TENM2: variants seen among roughly 807,000 people sequenced by gnomAD.
TENM2 encodes teneurin-2.
A neutral mutation model predicts 245.2 loss-of-function variants in TENM2; 52 were observed. The observed-to-expected ratio is 0.21, with a 90% CI of 0.17 to 0.27. The LOEUF (loss-of-function observed/expected upper bound fraction) is 0.27, where lower values mean the gene tolerates loss of function less well. Ranked by LOEUF, TENM2 falls within the 10% of genes least tolerant of loss-of-function variation. The pLI is 1.00. For missense variants in TENM2, 3,046 were observed against 3,666.8 expected (o/e 0.83, Z 4.37); for synonymous variants, 1,363 against 1,438.9 (o/e 0.95, Z 1.19).
the TENM2 span, among the ~76,000 whole-genome samples, chr5:167,225,614 G>T: frequency 2.0e-5 from 3 of 151,918 alleles, no homozygotes; most frequent in Non-Finnish European, 4.4e-5. Context: ...AGGGATAATG[G>T]CCTGTAGTTT....
intron 2 of TENM2, among the ~76,000 whole-genome samples, chr5:167,647,284 A>G (rs1027806496): frequency 1.3e-5 from 2 of 152,260 alleles, no homozygotes; most frequent in South Asian, 2.1e-4. Context: ...CCATTGACAG[A>G]GACTGTTGAG....
chr5:167,223,896 G>A, the TENM2 span, among the ~76,000 whole-genome samples: 78 of 152,204 alleles, frequency 5.1e-4, no homozygotes, highest in African/African-American at 1.7e-3. Context: ...ACTAGTGTAA[G>A]ATAATATCTC....
intron 2 of TENM2, among the ~76,000 whole-genome samples, chr5:167,792,045 G>A (rs931043339): frequency 6.6e-6 from 1 of 152,130 alleles, no homozygotes; most frequent in East Asian, 1.9e-4. Flanking sequence ...AAAGAGGAGA[G>A]TAAACTATTT....
the TENM2 span, among the ~76,000 whole-genome samples, chr5:167,098,660 G>T: frequency 6.6e-6 from 1 of 152,088 alleles, no homozygotes; most frequent in Non-Finnish European, 1.5e-5. Context: ...AACATACCGA[G>T]AAAAAGGAAG....
the TENM2 span, among the ~76,000 whole-genome samples, chr5:167,066,045 A>G: frequency 6.6e-6 from 1 of 152,138 alleles, no homozygotes; most frequent in African/African-American, 2.4e-5. Context: ...TGCTCACTTG[A>G]ATAACTCTCC....
chr5:168,156,926 C>T (rs1305432209), intron 12 of TENM2, among the ~76,000 whole-genome samples: 2 of 152,176 alleles, frequency 1.3e-5, no homozygotes, highest in African/African-American at 2.4e-5. Flanking sequence ...GGCAGCCGTT[C>T]GGTTCACAGT....
chr5:168,112,721 C>T (rs1400318077), intron 9 of TENM2, among the ~76,000 whole-genome samples: 3 of 151,804 alleles, frequency 2.0e-5, no homozygotes, highest in Non-Finnish European at 2.9e-5. Context: ...CAAGCTAAGT[C>T]CACAACCTCA....
chr5:167,770,263 T>G (rs2150761009), intron 2 of TENM2, among the ~76,000 whole-genome samples: 1 of 152,206 alleles, frequency 6.6e-6, no homozygotes, highest in Non-Finnish European at 1.5e-5. Flanking sequence ...AAAGGCTTAG[T>G]GATTAAGAAT....
chr5:167,795,042 G>C (rs1765223639), intron 2 of TENM2, among the ~76,000 whole-genome samples: 1 of 152,096 alleles, frequency 6.6e-6, no homozygotes. Context: ...ACAAAATCAG[G>C]AATGAGTGAT....
chr5:168,240,500 G>T (rs1207009263), intron 25 of TENM2, among the ~76,000 whole-genome samples: 1 of 152,104 alleles, frequency 6.6e-6, no homozygotes, highest in Non-Finnish European at 1.5e-5. Flanking sequence ...GTGCAAAATG[G>T]GGATGATAAT....
chr5:167,642,160 GTA>G (rs1030552269), intron 2 of TENM2, among the ~76,000 whole-genome samples: 1 of 142,896 alleles, frequency 7.0e-6, no homozygotes. Context: ...AAAAAAATAT[GTA>G]TATATATATA....
chr5:167,940,448 A>G (rs1205378592), intron 3 of TENM2, among the ~76,000 whole-genome samples: 1 of 152,212 alleles, frequency 6.6e-6, no homozygotes, highest in Non-Finnish European at 1.5e-5. Context: ...TTAGAGAAAA[A>G]GAAAGCAATG....
intron 9 of TENM2, among the ~76,000 whole-genome samples, chr5:168,116,512 G>A (rs549273806): frequency 3.3e-5 from 5 of 152,214 alleles, no homozygotes; most frequent in East Asian, 1.9e-4. Context: ...TTCTTCCCAC[G>A]TCTTTCATAA....
chr5:167,206,028 G>T, the TENM2 span, among the ~76,000 whole-genome samples: 103 of 152,036 alleles, frequency 6.8e-4, no homozygotes, highest in Non-Finnish European at 1.2e-3. Context: ...CCAATTTCAC[G>T]GTCAAATGAT....
intron 1 of TENM2, among the ~76,000 whole-genome samples, chr5:167,314,734 TAAC>T (rs973405532): frequency 5.3e-5 from 8 of 152,070 alleles, no homozygotes; most frequent in African/African-American, 9.7e-5. Context: ...AAAGCAATAA[TAAC>T]ATTTTAATAT....
intron 2 of TENM2, among the ~76,000 whole-genome samples, chr5:167,820,400 A>G (rs544424847): frequency 6.6e-6 from 1 of 152,296 alleles, no homozygotes; most frequent in African/African-American, 2.4e-5. Flanking sequence ...ATGGAGAAAA[A>G]GCCAAACTGG....
intron 2 of TENM2, among the ~76,000 whole-genome samples, chr5:167,643,598 A>T (rs1170259742): frequency 6.6e-6 from 1 of 152,242 alleles, no homozygotes; most frequent in Non-Finnish European, 1.5e-5. Context: ...CCAGATTCAG[A>T]GTCAAGTTTT....
rs1581159681 is a variant in TENM2, at chr5:168,048,457, G to A, written c.1309+908G>A. On this transcript the variant is annotated intron_variant, in intron 6 of 28. Transcript: ENST00000518659. ...CAGGGATATTTCAAAGAAGGGAAAG[G>A]AAGCAGCATTTATTAGGCACCTATT... Among the ~76,000 whole-genome samples, 13 of 152,308 alleles carry A rather than the reference G, an allele frequency of 8.5e-5. 1 individual carries two copies. The South Asian group carries it at 2.7e-3, about 32-fold the overall frequency.
At chr5:167,340,115 T>C (rs575570729) in intron 1 of TENM2, among the ~76,000 whole-genome samples, 1 of 152,292 alleles carries the variant, frequency 6.6e-6, no homozygotes, top group South Asian at 2.1e-4. Context: ...GGAACACAGA[T>C]CAGCCAAATC....
Sources: allele counts gnomAD v4.1 joint callset (sites outside exome capture counted in the v4.1 genomes callset), GRCh38; gene constraint gnomAD v4.1.1; transcripts MANE v1.5; gene names NCBI Gene and HGNC (gene_info 2026-07-23, HGNC 2026-07-21).